FER1L5: variants seen among roughly 807,000 people sequenced by gnomAD.
The protein encoded by FER1L5 is fer-1-like protein 5.
In FER1L5, 187 loss-of-function variants were observed where a neutral mutation model predicts 279.9. The observed-to-expected ratio is 0.67, with a 90% CI of 0.59 to 0.75. FER1L5 has a LOEUF of 0.75. FER1L5 is among the 30% of genes least tolerant of loss of function. The pLI is 0.00. For synonymous variants in FER1L5, 921 were observed against 989.7 expected, an observed-to-expected ratio of 0.93 and a Z score of 1.30; for missense variants, 2,091 against 2,594.4, an observed-to-expected ratio of 0.81 and a Z score of 4.21.
At chr2:96,655,537 G>A (rs2106471287) in intron 9 of FER1L5, among the ~76,000 whole-genome samples, 1 of 152,224 alleles carries the variant, frequency 6.6e-6, no homozygotes, top group Admixed American at 6.5e-5. Context: ...TACAATGTTA[G>A]GAAACGGGCA....
rs1267111434 is a variant in FER1L5, at chr2:96,704,556, G to T, written c.6038G>T (p.Ser2013Ile). The change falls in exon 53 of 53, where the codon AGC (serine) becomes ATC (isoleucine). Residue 2013 changes from serine to isoleucine, a missense_variant. Physicochemically the swap from Ser to Ile is moderately radical, Grantham distance 142. Transcript: ENST00000624922. ...AATATCATCAATTCACTAAACACCA[G>T]CAACGCCAGCTCTTCCATCCTTCCC... ...IFNIINSLNT[S>I]NASSSILPTQ... is the part of the protein sequence containing the mutation. 6.2e-7 allele frequency: 1 copy of T among 1,613,864 alleles called. No individual in the cohort carries two copies. Among genetic ancestry groups the T allele is most frequent in the Admixed American group, 1.7e-5 (1 of 60,020 alleles).
Position 96,700,392 on chromosome 2 carries a change from T to A in FER1L5, c.4991T>A (p.Leu1664His). The change falls in exon 45 of 53, where the codon CTC (leucine) becomes CAC (histidine). Residue 1664 changes from leucine (L) to histidine (H), a missense_variant. Coordinates refer to ENST00000624922, the MANE Select transcript of FER1L5 (RefSeq NM_001293083.2). ...GPKKERLALYLLHTQGLVPEH... is the reference protein window; with the variant it reads ...GPKKERLALYHLHTQGLVPEH... ...AAGAAGGAACGCCTTGCACTGTACCTCCTGCACACCCAGGGGCTGGTACCT... is the reference window on the plus strand; with the variant it reads ...AAGAAGGAACGCCTTGCACTGTACCACCTGCACACCCAGGGGCTGGTACCT... 1 of 1,613,772 alleles carries A rather than the reference T, an allele frequency of 6.2e-7. No individual in the cohort carries two copies. Among genetic ancestry groups the A allele is most frequent in the Non-Finnish European group, 8.5e-7 (1 of 1,179,878 alleles).
intron 9 of FER1L5, among the ~76,000 whole-genome samples, chr2:96,655,567 TAGAG>T (rs1163862025): frequency 6.6e-6 from 1 of 152,096 alleles, no homozygotes; most frequent in Non-Finnish European, 1.5e-5. Flanking sequence ...GAAAAAAACA[TAGAG>T]AGACAGAGAT....
At chr2:96,647,189 C>T (rs2075169962) in intron 3 of FER1L5, 34 bp downstream of exon 3, 2 of 1,544,034 alleles carry the variant, frequency 1.3e-6, no homozygotes, top group Non-Finnish European at 1.8e-6. Flanking sequence ...AGCCTAGCTC[C>T]TGACCAACGC....
In FER1L5 at chr2:96,698,251, G is replaced by A. The variant is rs2077456839; in HGVS notation, c.4356+95G>A. On this transcript the variant is annotated intron_variant, in intron 40 of 52. Transcript: ENST00000624922. This position sits in a 1 kb window ranked among gnomAD's most constrained non-coding sequence, Gnocchi z 5.5. ...AGCCCTGGCTCTATATGCTCATTGTGAAGATGGAGCAGGGCTTGAGAACGT... is the reference window on the plus strand; with the variant it reads ...AGCCCTGGCTCTATATGCTCATTGTAAAGATGGAGCAGGGCTTGAGAACGT... 2 of 1,460,728 alleles carry A rather than the reference G, an allele frequency of 1.4e-6. No homozygotes were observed. Among genetic ancestry groups the A allele is most frequent in the Non-Finnish European group, 1.8e-6 (2 of 1,095,944 alleles). The allele number at this position is 1,460,728 out of a possible 1,614,324, so 90.5% of individuals were successfully genotyped here.
intron 6 of FER1L5, among the ~76,000 whole-genome samples, chr2:96,651,362 T>G (rs962037364): frequency 3.3e-5 from 5 of 151,076 alleles, no homozygotes; most frequent in African/African-American, 1.2e-4. Context: ...TTTTCTTTCT[T>G]TCCTTCCTTC....
At chr2:96,671,471 C>T (rs1260797966) in intron 18 of FER1L5, among the ~76,000 whole-genome samples, 3 of 152,164 alleles carry the variant, frequency 2.0e-5, no homozygotes, top group South Asian at 2.1e-4. Flanking sequence ...CCATGGGTGA[C>T]GAGGTGGTCA....
intron 6 of FER1L5, 150 bp from the exon 7 acceptor site, chr2:96,651,742 A>AGCGATTCTCCCACCTCGGCCTCCC (rs1486980845): frequency 2.7e-6 from 3 of 1,113,658 alleles, no homozygotes; most frequent in Non-Finnish European, 3.8e-6. Flanking sequence ...CCTGGGCTCA[A>AGCGATTCTCCCACCTCGGCCTCCC]GCGATTCTCC....
intron 9 of FER1L5, among the ~76,000 whole-genome samples, chr2:96,659,363 T>C (rs1400791370): frequency 4.9e-5 from 1 of 20,364 alleles, no homozygotes; most frequent in Admixed American, 6.3e-4. Flanking sequence ...CCTTCCTTCC[T>C]TCTTTCTTTC....
chr2:96,659,506 T>G (rs536901223), intron 9 of FER1L5, among the ~76,000 whole-genome samples: 1 of 53,574 alleles, frequency 1.9e-5, no homozygotes, highest in Admixed American at 2.8e-4. Context: ...TCTTTCTTTC[T>G]TTCGAGACAG....
At chr2:96,682,037 C>T (rs754454903) in intron 19 of FER1L5, among the ~76,000 whole-genome samples, 4 of 151,920 alleles carry the variant, frequency 2.6e-5, no homozygotes, top group South Asian at 2.1e-4. Flanking sequence ...CTGCCCACCT[C>T]GGCCTCCCAA....
chr2:96,701,993 G>A lies in FER1L5; in HGVS notation c.5109G>A (p.Lys1703=). The A allele has an allele frequency of 6.2e-7, 1 of 1,614,026 alleles. No individual in the cohort carries two copies. Among genetic ancestry groups the A allele is most frequent in the Non-Finnish European group, 8.5e-7 (1 of 1,179,900 alleles). The change falls in exon 46 of 53, where the codon AAG becomes AAA. Residue 1703 remains lysine (K), a synonymous_variant. Coordinates refer to ENST00000624922, the MANE Select transcript of FER1L5 (RefSeq NM_001293083.2). ...TGTGGGTGGACATCTTCCCCAAGAA[G>A]CTGGGGCCTCCTGGCCCCCAAGTCA... is the stretch of plus-strand genomic sequence containing the variant. ...VQMWVDIFPK[K]LGPPGPQVNI...
In FER1L5 at chr2:96,698,599, G is replaced by T; in HGVS notation, c.4357-72G>T. 7.7e-7 allele frequency: 1 copy of T among 1,306,264 alleles called. No homozygotes were observed. The highest frequency in any genetic ancestry group is 1.3e-5 in the South Asian group (1 of 74,440). 80.9% of individuals were successfully genotyped at this position (1,306,264 alleles called of 1,614,324 possible). A position where few individuals can be genotyped will look rare whatever the true frequency, so the allele number is the denominator to read the frequency against. ...CTCTCTCTCCTGAACATGGGCTGGG[G>T]CACCTCCCAGAGGGCTTTACAGAGC... On this transcript the variant is annotated intron_variant, in intron 40 of 52. Transcript: ENST00000624922. This position sits in a 1 kb window ranked among gnomAD's most constrained non-coding sequence, Gnocchi z 5.5.
At position 96,691,617 on chromosome 2, in the gene FER1L5, A is replaced by G; in HGVS notation, c.3075+5A>G. ...TTCCTCCTGGAGGGGTCCTTGGTAAAGCCTCACAGGCTGGGTGATGCCTGC... is the reference window on the plus strand; with the variant it reads ...TTCCTCCTGGAGGGGTCCTTGGTAAGGCCTCACAGGCTGGGTGATGCCTGC... On this transcript the variant is annotated splice_donor_5th_base_variant and intron_variant, in intron 29 of 52. Coordinates refer to ENST00000624922, the MANE Select transcript of FER1L5 (RefSeq NM_001293083.2). This position sits in a 1 kb window ranked among gnomAD's most constrained non-coding sequence, Gnocchi z 6.0. 1 of 1,516,778 alleles carries G rather than the reference A, an allele frequency of 6.6e-7. No homozygotes were observed. The highest frequency in any genetic ancestry group is 8.9e-7 in the Non-Finnish European group (1 of 1,129,198). 94.0% of individuals were successfully genotyped at this position (1,516,778 alleles called of 1,614,324 possible). A position where few individuals can be genotyped will look rare whatever the true frequency, so the allele number is the denominator to read the frequency against.
intron 14 of FER1L5, among the ~76,000 whole-genome samples, chr2:96,664,032 C>A (rs1258232614): frequency 6.6e-6 from 1 of 151,958 alleles, no homozygotes; most frequent in African/African-American, 2.4e-5. Context: ...GCAAACACTT[C>A]AGCTAAGTAG....
At chr2:96,683,688 T>G (rs1001981454) in intron 19 of FER1L5, among the ~76,000 whole-genome samples, 8 of 152,182 alleles carry the variant, frequency 5.3e-5, no homozygotes, top group African/African-American at 1.9e-4. Flanking sequence ...GCACAAGTTC[T>G]CCAAGAACTT....
intron 9 of FER1L5, among the ~76,000 whole-genome samples, chr2:96,659,399 T>TTCCTTTCTTTCTTTCTTTCTTTCTG (rs2075806555): frequency 1.1e-4 from 1 of 9,416 alleles, no homozygotes; most frequent in Non-Finnish European, 2.1e-4. Context: ...CTTTCTTTCT[T>TTCCTTTCTTTCTTTCTTTCTTTCTG]TCTTTCTTTC....
chr2:96,684,991 A>C (rs186949515), intron 20 of FER1L5, among the ~76,000 whole-genome samples: 1 of 152,154 alleles, frequency 6.6e-6, no homozygotes, highest in East Asian at 1.9e-4. Context: ...AAACTGTCTC[A>C]AGTGCCTGTT....
At chr2:96,697,954 G>A in intron 39 of FER1L5, 83 bp from the exon 40 acceptor site, 2 of 1,509,242 alleles carry the variant, frequency 1.3e-6, no homozygotes, top group Non-Finnish European at 1.8e-6. Context: ...ATGCTTTGGA[G>A]TGAGACCTGG....
Sources: gnomAD v4.1 joint callset for allele counts (sites outside exome capture counted in the v4.1 genomes callset) on GRCh38, gnomAD v4.1.1 for gene constraint, Gnocchi (gnomAD v3.1) non-coding constraint, MANE v1.5 for transcripts, NCBI Gene and HGNC (gene_info 2026-07-23, HGNC 2026-07-21) for gene names.